Variants in WDR33 observed in about 807,000 individuals in gnomAD.
WDR33 encodes the protein pre-mRNA 3' end processing protein WDR33.
Under a neutral mutation model 164.9 loss-of-function variants are expected in WDR33, and 47 were observed. The observed-to-expected ratio is 0.29, with a 90% CI of 0.23 to 0.36. WDR33 has a LOEUF of 0.36. WDR33 is among the 10% of genes least tolerant of loss of function. The pLI is 1.00. For missense variants in WDR33, 1,137 were observed against 1,754.1 expected (o/e 0.65, Z 6.28); for synonymous variants, 505 against 589.0 (o/e 0.86, Z 2.06).
intron 7 of WDR33, chr2:127,737,963 T>A (rs749788800): frequency 8.1e-6 from 13 of 1,604,240 alleles, no homozygotes; most frequent in Non-Finnish European, 1.1e-5. Flanking sequence ...TTCACAGAAG[T>A]TGGTAAATGT....
Position 127,724,513 on chromosome 2 carries a change from G to A in WDR33, c.1086-70C>T. ...CAGCTTCTCCCTCCCCCTCAAAAAA[G>A]ACATTTTCTGTTACTCTTAAAATGA... On this transcript the variant is annotated intron_variant, in intron 10 of 21. Transcript: ENST00000322313. This position sits in a 1 kb window ranked among gnomAD's most constrained non-coding sequence, Gnocchi z 4.8. 1 of 1,332,278 alleles carries A rather than the reference G, an allele frequency of 7.5e-7. No individual in the cohort carries two copies. The highest frequency in any genetic ancestry group is 1.1e-6 in the Non-Finnish European group (1 of 932,592). The allele number at this position is 1,332,278 out of a possible 1,614,324, so 82.5% of individuals were successfully genotyped here. A position where few individuals can be genotyped will look rare whatever the true frequency, so the allele number is the denominator to read the frequency against.
At position 127,711,770 on chromosome 2, in the gene WDR33, A is replaced by ATTTTTTTTT. The variant is rs1220888579; in HGVS notation, c.3308+1812_3308+1813insAAAAAAAAA. ...TATACAGATATATATATATATATAT[A>ATTTTTTTTT]TATATATATATTTTTTTTTTGAGAC... On this transcript the variant is annotated intron_variant, in intron 18 of 21. Coordinates refer to ENST00000322313, the MANE Select transcript of WDR33 (RefSeq NM_018383.5). Among the ~76,000 whole-genome samples, 558 of 77,804 alleles carry ATTTTTTTTT rather than the reference A, an allele frequency of 7.2e-3. 44 individuals are homozygous for ATTTTTTTTT. Among genetic ancestry groups the ATTTTTTTTT allele is most frequent in the African/African-American group, 0.031 (375 of 12,030 alleles). The allele number at this position is 77,804 out of a possible 152,430, so 51.0% of individuals were successfully genotyped here. A position where few individuals can be genotyped will look rare whatever the true frequency, so the allele number is the denominator to read the frequency against.
rs1009339124 is a variant in WDR33, at chr2:127,723,192, T to A, written c.1291+61A>T. On this transcript the variant is annotated intron_variant, in intron 12 of 21. Coordinates refer to ENST00000322313, the MANE Select transcript of WDR33 (RefSeq NM_018383.5). The surrounding 1 kb of genome is among the most constrained non-coding windows in gnomAD (Gnocchi z 5.9). ...TTCATTTTGTATAATCTTCCCAACA[T>A]CTAACACTTCTGTAATAGAATACCA... is the stretch of plus-strand genomic sequence containing the variant. 6.6e-6 allele frequency: 10 copies of A among 1,512,726 alleles called. No homozygotes were observed. Among genetic ancestry groups the A allele is most frequent in the Non-Finnish European group, 9.1e-6 (10 of 1,104,126 alleles). The allele number at this position is 1,512,726 out of a possible 1,614,324, so 93.7% of individuals were successfully genotyped here.
In WDR33 at chr2:127,706,542, G is replaced by A. The variant is rs34550770; in HGVS notation, c.3792C>T (p.Gly1264=). ...TGGGCACTCTCTGAGCAGGTCCTGG[G>A]CCCCCTCGGCCTGAAACAAAGAAAA... ...SEDRGGKGRG[G]PGPAQRVPKS... is the part of the protein sequence containing the mutation. The change falls in exon 22 of 22, where the codon GGC becomes GGT. Residue 1264 remains glycine (G), a synonymous_variant. Coordinates refer to ENST00000322313, the MANE Select transcript of WDR33 (RefSeq NM_018383.5). The surrounding 1 kb of genome is among the most constrained non-coding windows in gnomAD (Gnocchi z 5.1). 134,089 of 1,590,598 alleles carry A rather than the reference G, an allele frequency of 0.084. 6,336 individuals carry two copies. The highest frequency in any genetic ancestry group is 0.14 in the Middle Eastern group (846 of 5,932).
At position 127,724,018 on chromosome 2, in the gene WDR33, T is replaced by C. The variant is rs1477845997; in HGVS notation, c.1196+315A>G. On this transcript the variant is annotated intron_variant, in intron 11 of 21. Coordinates refer to ENST00000322313, the MANE Select transcript of WDR33 (RefSeq NM_018383.5). This position sits in a 1 kb window ranked among gnomAD's most constrained non-coding sequence, Gnocchi z 4.8. ...CCTGAGCCCAGGAAGGTTGAGGCTA[T>C]AGTGAGCTGAGACCGCACCATTGCA... Among the ~76,000 whole-genome samples, 1 of 152,080 alleles carries C rather than the reference T, an allele frequency of 6.6e-6. No individual in the cohort carries two copies. The highest frequency in any genetic ancestry group is 1.9e-4 in the East Asian group (1 of 5,180).
rs1685910153 is a variant in WDR33, at chr2:127,702,221, C to T, written c.*4102G>A. 5 of 1,199,964 alleles carry T rather than the reference C, an allele frequency of 4.2e-6. No homozygotes were observed. Among genetic ancestry groups the T allele is most frequent in the Non-Finnish European group, 5.2e-6 (5 of 962,046 alleles). 74.3% of individuals were successfully genotyped at this position (1,199,964 alleles called of 1,614,324 possible). A position where few individuals can be genotyped will look rare whatever the true frequency, so the allele number is the denominator to read the frequency against. On this transcript the variant is annotated 3_prime_UTR_variant, in exon 22 of 22. Coordinates refer to ENST00000322313, the MANE Select transcript of WDR33 (RefSeq NM_018383.5). ...CTGGGGAAGTACGCGGAGCCAGCGCCGTCGGAGACCGCGCCGGCCGAGCTG... is the reference window on the plus strand; with the variant it reads ...CTGGGGAAGTACGCGGAGCCAGCGCTGTCGGAGACCGCGCCGGCCGAGCTG...
intron 1 of WDR33, among the ~76,000 whole-genome samples, chr2:127,800,274 AT>A (rs1689188673): frequency 6.6e-6 from 1 of 152,200 alleles, no homozygotes; most frequent in Non-Finnish European, 1.5e-5. Context: ...CAACTGAATC[AT>A]AAAAATTACA....
intron 7 of WDR33, chr2:127,737,005 G>T: frequency 4.1e-6 from 4 of 985,200 alleles, no homozygotes; most frequent in Non-Finnish European, 4.8e-6. Context: ...ACTGCCTGAG[G>T]GTGTATAAAA....
intron 1 of WDR33, among the ~76,000 whole-genome samples, chr2:127,778,269 T>A (rs1194643680): frequency 6.6e-6 from 1 of 151,490 alleles, no homozygotes; most frequent in African/African-American, 2.4e-5. Flanking sequence ...AAACCCCATC[T>A]CTACTAAAAA....
At chr2:127,778,644 CA>C (rs1688268557) in intron 1 of WDR33, among the ~76,000 whole-genome samples, 1 of 151,914 alleles carries the variant, frequency 6.6e-6, no homozygotes, top group African/African-American at 2.4e-5. Context: ...GGCACTATTA[CA>C]AGGGATATAG....
intron 1 of WDR33, among the ~76,000 whole-genome samples, chr2:127,794,013 G>T (rs747425426): frequency 8.6e-5 from 13 of 151,924 alleles, no homozygotes; most frequent in Non-Finnish European, 1.8e-4. Context: ...CGCACCCGTG[G>T]CCCCAGCTAC....
At position 127,764,997 on chromosome 2, in the gene WDR33, A is replaced by G. The variant is rs1687781368; in HGVS notation, c.475-18T>C. On this transcript the variant is annotated intron_variant, in intron 5 of 21. Transcript: ENST00000322313. This position sits in a 1 kb window ranked among gnomAD's most constrained non-coding sequence, Gnocchi z 6.2. ...TCGTGAGCCTGTGAAAGCAGAAAAC[A>G]TTAATTAGTAAGGTGCTGCTTCAAA... 9.9e-6 allele frequency: 16 copies of G among 1,611,532 alleles called. No homozygotes were observed. Among genetic ancestry groups the G allele is most frequent in the Non-Finnish European group, 1.3e-5 (15 of 1,178,874 alleles).
intron 8 of WDR33, among the ~76,000 whole-genome samples, 196 bp from the exon 9 acceptor site, chr2:127,725,411 CCAGA>C (rs1471006498): frequency 1.3e-5 from 2 of 152,092 alleles, no homozygotes; most frequent in Non-Finnish European, 2.9e-5. Flanking sequence ...TATGCACTGC[CCAGA>C]CAAAGACAGC....
At position 127,764,867 on chromosome 2, in the gene WDR33, T is replaced by C; in HGVS notation, c.587A>G (p.Lys196Arg). Residue 196 changes from lysine (K) to arginine (R), a missense_variant, in exon 6 of 22, where the codon AAG becomes AGG. By Grantham distance (26) the Lys-to-Arg change is conservative. This residue lies in a region of WDR33 where 83 missense variants were observed against 189.2 expected (regional missense o/e 0.44). Coordinates refer to ENST00000322313, the MANE Select transcript of WDR33 (RefSeq NM_018383.5). This position sits in a 1 kb window ranked among gnomAD's most constrained non-coding sequence, Gnocchi z 6.2. ...KYWQSNMNNV[K>R]MFQAHKEAIR... ...CGCCTCCTTATGTGCCTGGAACATC[T>C]TGACGTTGTTCATGTTCGACTGCCA... 6.2e-7 allele frequency: 1 copy of C among 1,614,206 alleles called. No individual in the cohort carries two copies. The highest frequency in any genetic ancestry group is 8.5e-7 in the Non-Finnish European group (1 of 1,180,028).
intron 1 of WDR33, among the ~76,000 whole-genome samples, chr2:127,805,923 T>C (rs1689422568): frequency 6.6e-6 from 1 of 150,514 alleles, no homozygotes; most frequent in African/African-American, 2.4e-5. Context: ...TGGAGTCTAC[T>C]GCACATTAAA....
Position 127,706,552 on chromosome 2 carries a change from C to G in WDR33, c.3782G>C (p.Gly1261Ala). Reference sequence around the variant, plus strand: ...CTGAGCAGGTCCTGGGCCCCCTCGGCCTGAAACAAAGAAAATTTCACATGG... The same window carrying G: ...CTGAGCAGGTCCTGGGCCCCCTCGGGCTGAAACAAAGAAAATTTCACATGG... ...GGPSEDRGGK[G>A]RGGPGPAQRV... is the part of the protein sequence containing the mutation. The change falls in exon 22 of 22, where the codon GGC (glycine) becomes GCC (alanine). Residue 1261 changes from glycine to alanine, a missense_variant and splice_region_variant. Physicochemically the swap from Gly to Ala is moderately conservative, Grantham distance 60 (BLOSUM62 0). Coordinates refer to ENST00000322313, the MANE Select transcript of WDR33 (RefSeq NM_018383.5). The surrounding 1 kb of genome is among the most constrained non-coding windows in gnomAD (Gnocchi z 5.1). The G allele has an allele frequency of 6.3e-7, 1 of 1,587,012 alleles. No homozygotes were observed. The highest frequency in any genetic ancestry group is 8.5e-7 in the Non-Finnish European group (1 of 1,172,192).
chr2:127,798,367 CAAAAAAAAAAAAAAAAA>C (rs61568967), intron 1 of WDR33, among the ~76,000 whole-genome samples: 2 of 19,298 alleles, frequency 1.0e-4, no homozygotes, highest in Non-Finnish European at 2.4e-4. Flanking sequence ...GACACCGTCG[CAAAAAAAAAAAAAAAAA>C]AAAAAAAAAA....
Position 127,722,921 on chromosome 2 carries a change from T to C in WDR33, c.1378+37A>G, listed in dbSNP as rs368010585. 96 of 1,564,980 alleles carry C rather than the reference T, an allele frequency of 6.1e-5. No individual in the cohort carries two copies. In the African/African-American group the frequency reaches 1.1e-3, roughly 18 times the overall value. ...GAACATAAACGGGTCAAGAAAAAAT[T>C]TGTAAAAATTAAATGTGTCTGTGTA... On this transcript the variant is annotated intron_variant, in intron 13 of 21. Coordinates refer to ENST00000322313, the MANE Select transcript of WDR33 (RefSeq NM_018383.5). This position sits in a 1 kb window ranked among gnomAD's most constrained non-coding sequence, Gnocchi z 5.1.
rs370206579 is a variant in WDR33, at chr2:127,803,603, G to A, written c.-24+7409C>T. On this transcript the variant is annotated intron_variant, in intron 1 of 21. Transcript: ENST00000322313. Reference sequence around the variant, plus strand: ...AAATAAAATACCAATGTAAGCTGATGATTTTTAATATCATGTTTTCTAGCT... The same window carrying A: ...AAATAAAATACCAATGTAAGCTGATAATTTTTAATATCATGTTTTCTAGCT... Among the ~76,000 whole-genome samples, 5 of 152,002 alleles carry A rather than the reference G, an allele frequency of 3.3e-5. No homozygotes were observed. The East Asian group carries it at 5.8e-4, about 18-fold the overall frequency.
Sources: gnomAD v4.1 joint callset for allele counts (sites outside exome capture counted in the v4.1 genomes callset) on GRCh38, gnomAD v4.1.1 for gene constraint, gnomAD v4.1.1 regional missense constraint, Gnocchi (gnomAD v3.1) non-coding constraint, MANE v1.5 for transcripts, NCBI Gene and HGNC (gene_info 2026-07-23, HGNC 2026-07-21) for gene names.